Variants in ADARB2 observed in about 807,000 individuals in gnomAD.
The protein encoded by ADARB2 is inactive double-stranded RNA-specific editase B2.
In ADARB2, 25 loss-of-function variants were observed where a neutral mutation model predicts 62.2. That is an observed-to-expected ratio of 0.40 (90% confidence interval 0.29 to 0.56). The LOEUF (loss-of-function observed/expected upper bound fraction) is 0.56, where lower values mean the gene tolerates loss of function less well. Ranked by LOEUF, ADARB2 falls within the 20% of genes least tolerant of loss-of-function variation. ADARB2 has a pLI of 0.43. For synonymous variants in ADARB2, 572 were observed against 500.8 expected (o/e 1.14, Z -1.90); for missense variants, 1,071 against 1,077.4 (o/e 0.99, Z 0.08).
chr10:1,736,634 A>T (rs1835304059), intron 1 of ADARB2, among the ~76,000 whole-genome samples: 1 of 152,132 alleles, frequency 6.6e-6, no homozygotes, highest in African/African-American at 2.4e-5. Context: ...GACAGTTTGG[A>T]TGGGAGTAGC....
intron 1 of ADARB2, among the ~76,000 whole-genome samples, chr10:1,417,384 G>A (rs555168511): frequency 2.0e-5 from 3 of 152,270 alleles, no homozygotes; most frequent in African/African-American, 4.8e-5. Context: ...ACCAGGGAGT[G>A]CAGCCCAGAG....
At chr10:1,691,781 CCT>C (rs1834676037) in intron 1 of ADARB2, among the ~76,000 whole-genome samples, 1 of 152,160 alleles carries the variant, frequency 6.6e-6, no homozygotes, top group South Asian at 2.1e-4. Flanking sequence ...CATAATCATC[CCT>C]CTGTCTTGCT....
At chr10:1,450,161 G>A (rs906174182) in intron 1 of ADARB2, among the ~76,000 whole-genome samples, 2 of 152,226 alleles carry the variant, frequency 1.3e-5, no homozygotes, top group African/African-American at 4.8e-5. Context: ...CGCTCCCGTC[G>A]AGAGGGAGGG....
At chr10:1,518,831 C>A (rs1336221707) in intron 1 of ADARB2, among the ~76,000 whole-genome samples, 5 of 151,542 alleles carry the variant, frequency 3.3e-5, no homozygotes, top group Non-Finnish European at 7.4e-5. Context: ...CATATGCATG[C>A]ATTCCATGTA....
intron 6 of ADARB2, among the ~76,000 whole-genome samples, chr10:1,232,566 TGTGTGTG>T (rs1035304218): frequency 6.7e-6 from 1 of 149,878 alleles, no homozygotes; most frequent in East Asian, 2.0e-4. Flanking sequence ...GTATGTGCTA[TGTGTGTG>T]GTGTGTGGTA....
chr10:1,284,311 C>T (rs1831394075), intron 3 of ADARB2, among the ~76,000 whole-genome samples: 1 of 152,068 alleles, frequency 6.6e-6, no homozygotes, highest in African/African-American at 2.4e-5. Context: ...GACAGTGATC[C>T]AGGGCCTGGC....
chr10:1,628,520 G>C (rs1833801157), intron 1 of ADARB2, among the ~76,000 whole-genome samples: 1 of 152,178 alleles, frequency 6.6e-6, no homozygotes, highest in South Asian at 2.1e-4. Flanking sequence ...TTTAATCACG[G>C]CCTTTTCTTC....
chr10:1,228,736 C>A (rs1036520644), intron 6 of ADARB2, among the ~76,000 whole-genome samples: 1 of 152,226 alleles, frequency 6.6e-6, no homozygotes, highest in Non-Finnish European at 1.5e-5. Flanking sequence ...CGGTCGCATG[C>A]GATGCACCAC....
At chr10:1,425,125 G>A (rs2820655) in intron 1 of ADARB2, among the ~76,000 whole-genome samples, 147,362 of 152,266 alleles carry the variant, frequency 0.97, 71,388 homozygotes, top group Non-Finnish European at 0.99. Flanking sequence ...TGGAGCCTCT[G>A]TTTTGCTCCA....
At chr10:1,207,850 A>G (rs1837090250) in intron 7 of ADARB2, among the ~76,000 whole-genome samples, 1 of 152,218 alleles carries the variant, frequency 6.6e-6, no homozygotes, top group Non-Finnish European at 1.5e-5. Context: ...ATGTTTGATT[A>G]ATCTTAGAGA....
chr10:1,732,590 G>A (rs1189586569), intron 1 of ADARB2, among the ~76,000 whole-genome samples: 1 of 152,202 alleles, frequency 6.6e-6, no homozygotes, highest in African/African-American at 2.4e-5. Context: ...GCTGGTTAAC[G>A]GTTGAATCAA....
chr10:1,452,619 G>GT (rs1043189558), intron 1 of ADARB2, among the ~76,000 whole-genome samples: 2 of 148,386 alleles, frequency 1.3e-5, no homozygotes, highest in South Asian at 2.3e-4. Flanking sequence ...ACGGGGGTTG[G>GT]GGGGGGGAAT....
intron 1 of ADARB2, among the ~76,000 whole-genome samples, chr10:1,720,825 G>A (rs1481151233): frequency 1.3e-5 from 2 of 152,198 alleles, no homozygotes; most frequent in Non-Finnish European, 2.9e-5. Flanking sequence ...GGAAAAAGAA[G>A]AGGAGCTGGT....
rs571221288 is a variant in ADARB2 at position 1,675,968 on chromosome 10, T to C, written c.100+61083A>G. The C allele has an allele frequency of 9.0e-5, 88 of 975,212 alleles. No individual in the cohort carries two copies. In the African/African-American group the frequency reaches 1.4e-3, roughly 16 times the overall value. 60.4% of individuals were successfully genotyped at this position (975,212 alleles called of 1,614,324 possible). A position where few individuals can be genotyped will look rare whatever the true frequency, so the allele number is the denominator to read the frequency against. The stretch of plus-strand genomic sequence containing the variant: ...GACTTGGAGCCCAGTTAGATGAAGA[T>C]GTGGAGTAAGGGCTGCATCCCACCC... On this transcript the variant is annotated intron_variant, in intron 1 of 9. Transcript: ENST00000381312.
At chr10:1,681,094 A>G (rs1455575780) in intron 1 of ADARB2, among the ~76,000 whole-genome samples, 1 of 152,214 alleles carries the variant, frequency 6.6e-6, no homozygotes, top group African/African-American at 2.4e-5. Flanking sequence ...GCCCCTGGAC[A>G]GGAATAATGT....
intron 1 of ADARB2, among the ~76,000 whole-genome samples, chr10:1,380,729 T>C (rs911185834): frequency 1.3e-5 from 2 of 152,220 alleles, no homozygotes; most frequent in African/African-American, 2.4e-5. Context: ...TTCTTTGTTC[T>C]ACCGAACAAG....
intron 6 of ADARB2, among the ~76,000 whole-genome samples, chr10:1,224,001 C>T (rs955155705): frequency 6.6e-6 from 1 of 152,138 alleles, no homozygotes; most frequent in Non-Finnish European, 1.5e-5. Context: ...AGGAATGGTA[C>T]CAGCTCCTCT....
intron 1 of ADARB2, among the ~76,000 whole-genome samples, chr10:1,425,724 T>G (rs1832888704): frequency 6.6e-6 from 1 of 152,260 alleles, no homozygotes; most frequent in Admixed American, 6.5e-5. Context: ...TCCTTGCCTT[T>G]CTCTGACTTC....
chr10:1,413,415 G>A (rs969842299), intron 1 of ADARB2, among the ~76,000 whole-genome samples: 9 of 152,136 alleles, frequency 5.9e-5, no homozygotes, highest in African/African-American at 2.2e-4. Flanking sequence ...CCAAGCTCTC[G>A]GTCTTGAATT....
Sources: gnomAD v4.1 joint callset for allele counts (sites outside exome capture counted in the v4.1 genomes callset) on GRCh38, gnomAD v4.1.1 for gene constraint, MANE v1.5 for transcripts, NCBI Gene and HGNC (gene_info 2026-07-23, HGNC 2026-07-21) for gene names.